The following VPS54 variants were observed in gnomAD, a reference collection of about 807,000 sequenced individuals.
VPS54 encodes the protein VPS54 subunit of GARP complex.
Under a neutral mutation model 121.5 loss-of-function variants are expected in VPS54, and 45 were observed. The ratio of observed to expected loss-of-function variants is 0.37; its 90% CI spans 0.29 to 0.47. VPS54 has a LOEUF of 0.47. Among genes scored for constraint, VPS54 ranks in the 20% least tolerant of loss-of-function variants. VPS54 has a pLI of 0.99. For synonymous variants in VPS54, 371 were observed against 385.8 expected (o/e 0.96, Z 0.45); for missense variants, 1,090 against 1,131.4 (o/e 0.96, Z 0.52).
chr2:63,922,707 T>C (rs1673700711), intron 12 of VPS54, among the ~76,000 whole-genome samples: 1 of 152,182 alleles, frequency 6.6e-6, no homozygotes, highest in Non-Finnish European at 1.5e-5. Flanking sequence ...TGCTCCGACA[T>C]TTCTATATAA....
At position 63,899,053 on chromosome 2, in the gene VPS54, G is replaced by A. The variant is rs571426406; in HGVS notation, c.2733+421C>T. 2.0e-4 allele frequency among the ~76,000 whole-genome samples: 30 copies of A among 152,212 alleles called. 1 individual carries two copies. Among genetic ancestry groups the A allele is most frequent in the Admixed American group, 1.6e-3 (24 of 15,286 alleles). On this transcript the variant is annotated intron_variant, in intron 21 of 22. Transcript: ENST00000272322. ...CTGACATAACAATAAAGCAGATTGA[G>A]TTAATTATATGTGTTAATCTTATTA...
At chr2:63,995,905 G>T (rs189306514) in intron 1 of VPS54, among the ~76,000 whole-genome samples, 79 of 152,316 alleles carry the variant, frequency 5.2e-4, no homozygotes, top group African/African-American at 1.8e-3. Context: ...TATCCATTGT[G>T]CCTGGAGCTG....
Position 63,912,717 on chromosome 2 carries a change from G to C in VPS54, c.2423-56C>G. On this transcript the variant is annotated intron_variant, in intron 18 of 22. Transcript: ENST00000272322. ...AGAAATAAAAAAAAAAAAGGTATTA[G>C]TTGATTTTAATTACAAATCAAATCA... 5.9e-6 allele frequency: 9 copies of C among 1,520,264 alleles called. No homozygotes were observed. In the South Asian group the frequency reaches 6.4e-5, roughly 11 times the overall value. The allele number at this position is 1,520,264 out of a possible 1,614,324, so 94.2% of individuals were successfully genotyped here.
chr2:63,921,422 A>G lies in VPS54; in HGVS notation c.1740-87T>C, dbSNP rs553483244. On this transcript the variant is annotated intron_variant, in intron 12 of 22. Transcript: ENST00000272322. ...GACCTATCAATAAAAAGGATGAAAA[A>G]GCTGTAAAATTCACATTTGAAGAAA... 6.3e-6 allele frequency: 9 copies of G among 1,439,780 alleles called. No homozygotes were observed. In the South Asian group the frequency reaches 1.0e-4, roughly 16 times the overall value. The allele number at this position is 1,439,780 out of a possible 1,614,324, so 89.2% of individuals were successfully genotyped here.
chr2:64,004,966 C>T (rs1041395970), intron 1 of VPS54, among the ~76,000 whole-genome samples: 4 of 151,502 alleles, frequency 2.6e-5, no homozygotes, highest in South Asian at 2.1e-4. Flanking sequence ...TTTGTAGAGA[C>T]GAGGTCTCAC....
intron 15 of VPS54, among the ~76,000 whole-genome samples, chr2:63,918,532 C>A (rs192675774): frequency 6.6e-6 from 1 of 151,940 alleles, no homozygotes; most frequent in East Asian, 1.9e-4. Context: ...TTTAGTTGTG[C>A]CAATATCATA....
Position 63,933,692 on chromosome 2 carries a change from G to T in VPS54, c.1720C>A (p.Pro574Thr). 1 of 1,612,730 alleles carries T rather than the reference G, an allele frequency of 6.2e-7. No individual in the cohort carries two copies. The highest frequency in any genetic ancestry group is 1.7e-4 in the Middle Eastern group (1 of 6,052). Residue 574 changes from proline to threonine, a missense_variant, in exon 12 of 23, where the codon CCA (proline) becomes ACA (threonine). Physicochemically the swap from Pro to Thr is conservative, Grantham distance 38 (BLOSUM62 -1). Transcript: ENST00000272322. ...SKEHTSSSAI[P>T]GGVDIMVSED... ...ACTCACATAATATCCACACCTCCTG[G>T]AATAGCAGATGATGATGTGTGCTCT...
At chr2:63,998,037 G>A (rs1677684185) in intron 1 of VPS54, among the ~76,000 whole-genome samples, 2 of 152,152 alleles carry the variant, frequency 1.3e-5, no homozygotes, top group African/African-American at 4.8e-5. Context: ...ATTGTGGTCA[G>A]AGAAGATGCT....
chr2:63,915,432 G>A (rs1212260358), intron 16 of VPS54, among the ~76,000 whole-genome samples: 1 of 152,160 alleles, frequency 6.6e-6, no homozygotes, highest in Non-Finnish European at 1.5e-5. Flanking sequence ...GACCATATAT[G>A]CATACTGGTC....
At chr2:63,911,845 G>T (rs1673163038) in intron 20 of VPS54, among the ~76,000 whole-genome samples, 1 of 152,196 alleles carries the variant, frequency 6.6e-6, no homozygotes, top group African/African-American at 2.4e-5. Flanking sequence ...AGTAAACAGT[G>T]AAAGATAGAT....
intron 1 of VPS54, among the ~76,000 whole-genome samples, chr2:64,016,122 T>C (rs548075350): frequency 1.1e-4 from 16 of 152,334 alleles, no homozygotes; most frequent in African/African-American, 3.6e-4. Flanking sequence ...AAGCAGGAAG[T>C]AAGCTGATGA....
intron 1 of VPS54, among the ~76,000 whole-genome samples, chr2:63,999,573 CTG>C (rs1276223005): frequency 1.3e-5 from 2 of 152,280 alleles, no homozygotes; most frequent in East Asian, 3.9e-4. Flanking sequence ...TTAGTCCTCT[CTG>C]GGTGAAATTT....
At chr2:63,907,468 A>C (rs1231181943) in intron 20 of VPS54, among the ~76,000 whole-genome samples, 1 of 151,090 alleles carries the variant, frequency 6.6e-6, no homozygotes, top group African/African-American at 2.4e-5. Context: ...CGGTGAGCTG[A>C]GATCGCGCCA....
At chr2:63,940,746 A>G (rs1201701785) in intron 11 of VPS54, among the ~76,000 whole-genome samples, 2 of 145,466 alleles carry the variant, frequency 1.4e-5, no homozygotes, top group Non-Finnish European at 3.0e-5. Flanking sequence ...TCTGGCAAAA[A>G]GTTGGCCAAT....
intron 3 of VPS54, chr2:63,975,573 T>A (rs1393080587): frequency 6.6e-6 from 1 of 152,534 alleles, no homozygotes. Context: ...ACTGCCTCAT[T>A]TGATCTTGTT....
At chr2:63,938,371 G>A (rs1318678368) in intron 11 of VPS54, among the ~76,000 whole-genome samples, 2 of 152,064 alleles carry the variant, frequency 1.3e-5, no homozygotes, top group East Asian at 1.9e-4. Flanking sequence ...ACAAATAGCC[G>A]AGGGCCCCTA....
At chr2:63,922,433 T>C (rs1191045988) in intron 12 of VPS54, among the ~76,000 whole-genome samples, 1 of 152,224 alleles carries the variant, frequency 6.6e-6, no homozygotes, top group African/African-American at 2.4e-5. Context: ...TAAAGAAGGT[T>C]ATTACCTGCT....
At chr2:63,996,682 G>A (rs564142509) in intron 1 of VPS54, among the ~76,000 whole-genome samples, 9 of 152,282 alleles carry the variant, frequency 5.9e-5, no homozygotes, top group East Asian at 1.9e-4. Context: ...ATGCATTCCC[G>A]GCCGGGGAGG....
intron 18 of VPS54, 35 bp from the exon 19 acceptor site, chr2:63,912,696 A>AT (rs747146815): frequency 6.5e-7 from 1 of 1,540,460 alleles, no homozygotes; most frequent in African/African-American, 1.4e-5. Flanking sequence ...TAATGGAGAA[A>AT]TAAAAAAAAA....
Sources: gnomAD v4.1 joint callset for allele counts (sites outside exome capture counted in the v4.1 genomes callset) on GRCh38, gnomAD v4.1.1 for gene constraint, MANE v1.5 for transcripts, NCBI Gene and HGNC (gene_info 2026-07-23, HGNC 2026-07-21) for gene names.